ZCWPW2: variants seen among roughly 807,000 people sequenced by gnomAD.
The protein encoded by ZCWPW2 is zinc finger CW-type PWWP domain protein 2.
A neutral mutation model predicts 46.6 loss-of-function variants in ZCWPW2; 45 were observed. That is an observed-to-expected ratio of 0.96 (90% CI 0.76 to 1.24). The LOEUF is 1.24. Ranked by LOEUF, ZCWPW2 falls within the 50% of genes most tolerant of loss-of-function variation. The pLI, the probability that ZCWPW2 is intolerant of heterozygous loss-of-function variation, is 0.00. For synonymous variants in ZCWPW2, 152 were observed against 137.1 expected, an observed-to-expected ratio of 1.11 and a Z score of -0.76; for missense variants, 429 against 403.9, an observed-to-expected ratio of 1.06 and a Z score of -0.53.
chr3:28,450,211 C>T, intron 4 of ZCWPW2, among the ~76,000 whole-genome samples: 1 of 152,166 alleles, frequency 6.6e-6, no homozygotes, highest in East Asian at 1.9e-4. Context: ...GTGTAGTAGT[C>T]TAACTTTGGT....
intron 2 of ZCWPW2, among the ~76,000 whole-genome samples, chr3:28,404,515 C>T (rs1332403352): frequency 6.6e-6 from 1 of 152,100 alleles, no homozygotes; most frequent in Non-Finnish European, 1.5e-5. Context: ...CTAGCATTTT[C>T]ACTACTGGCT....
rs1419334272 is a variant in ZCWPW2, at chr3:28,453,017, T to C, written c.492+17748T>C. The stretch of plus-strand genomic sequence containing the variant: ...TGAGACCATTGCTGCAATGTTTTCA[T>C]AGTTTAGCGTAAACAGAAGTGTCAA... On this transcript the variant is annotated intron_variant, in intron 4 of 9. Coordinates refer to ENST00000383768, the MANE Select transcript of ZCWPW2 (RefSeq NM_001040432.4). Among the ~76,000 whole-genome samples, 5 of 152,230 alleles carry C rather than the reference T, an allele frequency of 3.3e-5. No individual in the cohort carries two copies. In the East Asian group the frequency reaches 7.7e-4, roughly 23 times the overall value.
At chr3:28,523,473 T>C (rs2125841069) in intron 9 of ZCWPW2, among the ~76,000 whole-genome samples, 1 of 152,230 alleles carries the variant, frequency 6.6e-6, no homozygotes, top group Non-Finnish European at 1.5e-5. Flanking sequence ...AAGCTGGAGA[T>C]GTGTTGTTTT....
chr3:28,426,263 ATATGC>A (rs1697007317), intron 3 of ZCWPW2, among the ~76,000 whole-genome samples: 1 of 151,888 alleles, frequency 6.6e-6, no homozygotes, highest in Non-Finnish European at 1.5e-5. Flanking sequence ...AAAATTGATC[ATATGC>A]TATTGTATTT....
intron 4 of ZCWPW2, among the ~76,000 whole-genome samples, chr3:28,449,235 C>T (rs1698132020): frequency 6.6e-6 from 1 of 152,088 alleles, no homozygotes; most frequent in African/African-American, 2.4e-5. Context: ...ACAAAAACGA[C>T]CTCATAACAG....
chr3:28,500,055 G>C (rs1054640354), intron 6 of ZCWPW2, among the ~76,000 whole-genome samples: 1 of 151,940 alleles, frequency 6.6e-6, no homozygotes, highest in Admixed American at 6.6e-5. Flanking sequence ...TGGTAACACT[G>C]ATGAAAAGCT....
chr3:28,424,996 A>G (rs1237655903), intron 3 of ZCWPW2, among the ~76,000 whole-genome samples: 2 of 152,230 alleles, frequency 1.3e-5, no homozygotes, highest in Non-Finnish European at 2.9e-5. Context: ...TGTATTCTCT[A>G]ATGAAAATTC....
intron 1 of ZCWPW2, among the ~76,000 whole-genome samples, chr3:28,366,851 T>C (rs1485331994): frequency 4.6e-5 from 7 of 152,228 alleles, no homozygotes; most frequent in African/African-American, 7.2e-5. Flanking sequence ...GGGATTCAAC[T>C]TCTTCCTGAT....
chr3:28,466,300 T>G (rs543612045), intron 4 of ZCWPW2, among the ~76,000 whole-genome samples: 1 of 152,178 alleles, frequency 6.6e-6, no homozygotes, highest in African/African-American at 2.4e-5. Context: ...AATTTACCCA[T>G]GTAATGGACC....
At chr3:28,360,580 GA>G (rs1212875339) in intron 1 of ZCWPW2, among the ~76,000 whole-genome samples, 1 of 149,408 alleles carries the variant, frequency 6.7e-6, no homozygotes, top group Admixed American at 6.7e-5. Flanking sequence ...CATAAGAAAT[GA>G]AGTAAAAATT....
intron 1 of ZCWPW2, among the ~76,000 whole-genome samples, chr3:28,386,490 A>C (rs1258827567): frequency 6.6e-6 from 1 of 152,068 alleles, no homozygotes; most frequent in Admixed American, 6.6e-5. Context: ...CTTGCTTTTT[A>C]GTTTATTCAT....
chr3:28,358,533 A>T (rs1284828449), intron 1 of ZCWPW2, among the ~76,000 whole-genome samples: 3 of 152,168 alleles, frequency 2.0e-5, no homozygotes, highest in Admixed American at 6.5e-5. Flanking sequence ...TGGTTCTCAC[A>T]TGTTTGTCCT....
At chr3:28,478,784 A>C (rs1699321699) in intron 4 of ZCWPW2, 30 bp from the exon 5 acceptor site, 1 of 1,253,922 alleles carries the variant, frequency 8.0e-7, no homozygotes, top group African/African-American at 1.6e-5. Context: ...TTTAAAAATG[A>C]ATTTTTTTCT....
chr3:28,432,253 T>C (rs539750906), intron 3 of ZCWPW2, among the ~76,000 whole-genome samples: 1 of 152,304 alleles, frequency 6.6e-6, no homozygotes, highest in African/African-American at 2.4e-5. Flanking sequence ...GCTGTACCAC[T>C]AGGAAATGTT....
chr3:28,433,764 A>C (rs1394440879), intron 3 of ZCWPW2, among the ~76,000 whole-genome samples: 3 of 95,890 alleles, frequency 3.1e-5, no homozygotes, highest in Non-Finnish European at 5.1e-5. Flanking sequence ...TTAAAAAAAA[A>C]AAAAACAAAA....
intron 8 of ZCWPW2, among the ~76,000 whole-genome samples, chr3:28,518,502 C>G (rs1700638384): frequency 6.6e-6 from 1 of 152,164 alleles, no homozygotes; most frequent in Non-Finnish European, 1.5e-5. Flanking sequence ...TCCCACTGCT[C>G]TGGAAGCAGA....
chr3:28,441,807 C>T (rs1326475051), intron 4 of ZCWPW2, among the ~76,000 whole-genome samples: 3 of 152,120 alleles, frequency 2.0e-5, no homozygotes, highest in Non-Finnish European at 4.4e-5. Context: ...CAGTTTAGGT[C>T]ACCCGGGCAC....
chr3:28,350,540 T>A (rs186727138), intron 1 of ZCWPW2, among the ~76,000 whole-genome samples: 79 of 152,286 alleles, frequency 5.2e-4, no homozygotes, highest in African/African-American at 1.9e-3. Flanking sequence ...TGTACAAATT[T>A]TATTATTTTA....
chr3:28,495,002 C>T (rs567384249), intron 6 of ZCWPW2, among the ~76,000 whole-genome samples: 1 of 152,046 alleles, frequency 6.6e-6, no homozygotes, highest in Non-Finnish European at 1.5e-5. Context: ...GGCCATACTG[C>T]CCAGGGTAAT....
Sources: allele counts gnomAD v4.1 joint callset (sites outside exome capture counted in the v4.1 genomes callset), GRCh38; gene constraint gnomAD v4.1.1; transcripts MANE v1.5; gene names NCBI Gene and HGNC (gene_info 2026-07-23, HGNC 2026-07-21).